Variants in ELAPOR2 observed in about 807,000 individuals in gnomAD.
The protein encoded by ELAPOR2 is endosome-lysosome associated apoptosis and autophagy regulator family member 2, also known as endosome/lysosome-associated apoptosis and autophagy regulator family member 2.
A neutral mutation model predicts 120.7 loss-of-function variants in ELAPOR2; 89 were observed. The observed-to-expected ratio is 0.74, with a 90% CI of 0.62 to 0.88. The LOEUF (loss-of-function observed/expected upper bound fraction) is 0.88. ELAPOR2 is among the 40% of genes least tolerant of loss of function. ELAPOR2 has a pLI of 0.00. For synonymous variants in ELAPOR2, 444 were observed against 444.9 expected, an observed-to-expected ratio of 1.00 and a Z score of 0.03; for missense variants, 1,134 against 1,251.6, an observed-to-expected ratio of 0.91 and a Z score of 1.42.
intron 8 of ELAPOR2, among the ~76,000 whole-genome samples, chr7:86,928,841 T>C (rs1247285739): frequency 6.6e-6 from 1 of 152,046 alleles, no homozygotes; most frequent in Non-Finnish European, 1.5e-5. Context: ...GTAAAAGTTT[T>C]ATTTACAAAG....
At chr7:86,906,231 G>A (rs1468813099) in intron 18 of ELAPOR2, among the ~76,000 whole-genome samples, 2 of 152,052 alleles carry the variant, frequency 1.3e-5, no homozygotes, top group Non-Finnish European at 2.9e-5. Context: ...CTCTTTTATT[G>A]CTAGAATCTC....
chr7:86,929,871 C>G (rs1379803625), intron 8 of ELAPOR2, among the ~76,000 whole-genome samples: 1 of 151,884 alleles, frequency 6.6e-6, no homozygotes, highest in Non-Finnish European at 1.5e-5. Context: ...CCTCCCCCTT[C>G]TCTCTCTTCC....
chr7:87,043,236 A>T (rs527821802), intron 1 of ELAPOR2, among the ~76,000 whole-genome samples: 11 of 151,848 alleles, frequency 7.2e-5, no homozygotes, highest in African/African-American at 2.7e-4. Context: ...ATAGAAAAAG[A>T]GGGAATCCTC....
intron 1 of ELAPOR2, among the ~76,000 whole-genome samples, chr7:87,018,436 A>G (rs762486752): frequency 3.3e-5 from 5 of 152,334 alleles, no homozygotes; most frequent in Admixed American, 6.5e-5. Flanking sequence ...CCTGACATGT[A>G]GGAATATTTT....
intron 1 of ELAPOR2, among the ~76,000 whole-genome samples, chr7:87,024,337 G>T (rs566833637): frequency 6.6e-6 from 1 of 151,932 alleles, no homozygotes; most frequent in African/African-American, 2.4e-5. Flanking sequence ...GGTTTTCGTC[G>T]TTGGTTCTGT....
chr7:86,949,925 C>G (rs1189704336), intron 2 of ELAPOR2, among the ~76,000 whole-genome samples: 2 of 152,240 alleles, frequency 1.3e-5, no homozygotes, highest in Admixed American at 1.3e-4. Context: ...CCACAAAGCC[C>G]CACCTTCAAG....
chr7:86,891,612 C>T (rs1788162613), intron 21 of ELAPOR2, 112 bp downstream of exon 21: 17 of 761,766 alleles, frequency 2.2e-5, no homozygotes, highest in South Asian at 4.5e-5. Flanking sequence ...GGATAAATAC[C>T]CACTGAGATA....
At chr7:86,924,008 C>T (rs1014447776) in intron 10 of ELAPOR2, among the ~76,000 whole-genome samples, 10 of 151,996 alleles carry the variant, frequency 6.6e-5, no homozygotes, top group Non-Finnish European at 1.5e-5. Flanking sequence ...TAACTCCATG[C>T]CTTAGTGGGT....
chr7:87,009,783 A>C (rs952340554), intron 1 of ELAPOR2, among the ~76,000 whole-genome samples: 3 of 152,226 alleles, frequency 2.0e-5, no homozygotes, highest in African/African-American at 7.2e-5. Flanking sequence ...TAGAATGCTC[A>C]CAAAGCATTT....
At chr7:87,000,107 T>G (rs1635006) in intron 1 of ELAPOR2, among the ~76,000 whole-genome samples, 57,474 of 151,896 alleles carry the variant, frequency 0.38, 11,722 homozygotes, top group African/African-American at 0.53. Flanking sequence ...TTGATGACCA[T>G]CCCTACAAGC....
At chr7:87,026,856 T>A (rs541552098) in intron 1 of ELAPOR2, among the ~76,000 whole-genome samples, 1 of 152,248 alleles carries the variant, frequency 6.6e-6, no homozygotes, top group East Asian at 1.9e-4. Context: ...CATAATGGCC[T>A]GTATCCCAAT....
chr7:86,998,054 T>C, intron 1 of ELAPOR2, among the ~76,000 whole-genome samples: 1 of 152,034 alleles, frequency 6.6e-6, no homozygotes, highest in Non-Finnish European at 1.5e-5. Context: ...TAACGGGAAG[T>C]CTAGAAAATG....
In ELAPOR2 at chr7:86,990,536, T is replaced by G. The variant is rs1635033; in HGVS notation, c.190-25512A>C. Among the ~76,000 whole-genome samples the G allele has an allele frequency of 2.0e-5, 3 of 152,004 alleles. No homozygotes were observed. In the South Asian group the frequency reaches 6.2e-4, roughly 32 times the overall value. ...CATGATTGTAAGAAATTACTCAGTT[T>G]CAGGTATTTTGTTATAAGCAACAGA... On this transcript the variant is annotated intron_variant, in intron 1 of 21. Transcript: ENST00000450689.
At chr7:86,993,540 C>T (rs890347966) in intron 1 of ELAPOR2, among the ~76,000 whole-genome samples, 1 of 152,152 alleles carries the variant, frequency 6.6e-6, no homozygotes, top group South Asian at 2.1e-4. Context: ...AGGAATCTTA[C>T]AAATATTTGG....
In ELAPOR2 at chr7:86,879,424, C is replaced by A. The variant is rs1799295594; in HGVS notation, c.*1047G>T. ...GTAATTTTTCAAAACTGAATTCCTG[C>A]CTTATTGGATTATTTTTTTAAAAAG... On this transcript the variant is annotated 3_prime_UTR_variant, in exon 22 of 22. Coordinates refer to ENST00000450689, the MANE Select transcript of ELAPOR2 (RefSeq NM_001142749.3). 6.6e-6 allele frequency: 1 copy of A among 152,122 alleles called. No homozygotes were observed. The highest frequency in any genetic ancestry group is 1.5e-5 in the Non-Finnish European group (1 of 68,016). 9.4% of individuals were successfully genotyped at this position (152,122 alleles called of 1,614,324 possible).
At chr7:86,965,120 A>T in intron 1 of ELAPOR2, 96 bp from the exon 2 acceptor site, 1 of 1,281,648 alleles carries the variant, frequency 7.8e-7, no homozygotes, top group Non-Finnish European at 1.1e-6. Context: ...TCCAAGCTGT[A>T]CCCTCTCCTT....
chr7:86,881,986 T>C (rs992866608), intron 21 of ELAPOR2, among the ~76,000 whole-genome samples: 2 of 152,104 alleles, frequency 1.3e-5, no homozygotes, highest in Non-Finnish European at 2.9e-5. Flanking sequence ...TCCAAGAGCT[T>C]TAGGGCTACA....
chr7:86,995,042 C>T (rs1426736592), intron 1 of ELAPOR2, among the ~76,000 whole-genome samples: 1 of 152,162 alleles, frequency 6.6e-6, no homozygotes, highest in South Asian at 2.1e-4. Flanking sequence ...TCCTCAAGGA[C>T]TCAGATTCTC....
At position 86,945,032 on chromosome 7, in the gene ELAPOR2, G is replaced by A; in HGVS notation, c.521C>T (p.Pro174Leu). ...PDGCNNSSWI[P>L]RGNYIESNRD... is the part of the protein sequence containing the mutation. ...ATTAGATTCTATGTAGTTTCCACGAGGGATCCAAGAAGAGCTGTGGAAACA... is the reference window on the plus strand; with the variant it reads ...ATTAGATTCTATGTAGTTTCCACGAAGGATCCAAGAAGAGCTGTGGAAACA... The change falls in exon 4 of 22, where the codon CCT (proline) becomes CTT (leucine). Residue 174 changes from proline (P) to leucine (L), a missense_variant. Pro to Leu is a moderately conservative substitution (Grantham distance 98). This residue lies in a region of ELAPOR2 where 280 missense variants were observed against 331.5 expected (regional missense o/e 0.84). Coordinates refer to ENST00000450689, the MANE Select transcript of ELAPOR2 (RefSeq NM_001142749.3). The A allele has an allele frequency of 6.5e-7, 1 of 1,549,176 alleles. No homozygotes were observed. Among genetic ancestry groups the A allele is most frequent in the African/African-American group, 1.4e-5 (1 of 73,042 alleles).
Sources: allele counts gnomAD v4.1 joint callset (sites outside exome capture counted in the v4.1 genomes callset), GRCh38; gene constraint gnomAD v4.1.1; regional missense constraint gnomAD v4.1.1; transcripts MANE v1.5; gene names NCBI Gene and HGNC (gene_info 2026-07-23, HGNC 2026-07-21).